MAOB: variants seen among roughly 807,000 people sequenced by gnomAD.
MAOB encodes the protein amine oxidase [flavin-containing] B.
MAOB carries 15 observed loss-of-function variants against 41.9 expected under a neutral mutation model. The observed-to-expected ratio is 0.36, with a 90% CI of 0.24 to 0.55. The LOEUF (loss-of-function observed/expected upper bound fraction) is 0.55. Among genes scored for constraint, MAOB ranks in the 20% least tolerant of loss-of-function variants. MAOB has a pLI of 0.86. For synonymous variants in MAOB, 167 were observed against 144.2 expected (o/e 1.16, Z -1.13); for missense variants, 345 against 398.7 (o/e 0.87, Z 1.15).
At chrX:43,809,962 G>GATTTACAGTAGCT (rs2034721893) in intron 3 of MAOB, among the ~76,000 whole-genome samples, 2 of 102,112 alleles carry the variant, frequency 2.0e-5, no homozygotes, top group Admixed American at 9.9e-5. Flanking sequence ...CTATTGGAAG[G>GATTTACAGTAGCT]GCCGGGCGCG....
chrX:43,860,136 C>T, intron 1 of MAOB, among the ~76,000 whole-genome samples: 1 of 111,795 alleles, frequency 8.9e-6, no homozygotes, highest in East Asian at 2.8e-4. Context: ...TTCTTAAATA[C>T]CTTTGCTGGA....
intron 1 of MAOB, among the ~76,000 whole-genome samples, chrX:43,846,969 A>G (rs2035209229): frequency 8.9e-6 from 1 of 112,709 alleles, no homozygotes; most frequent in Non-Finnish European, 1.9e-5. Flanking sequence ...GCCTTAAAAC[A>G]TTAGACAATG....
intron 3 of MAOB, among the ~76,000 whole-genome samples, chrX:43,836,703 G>T (rs2035076079): frequency 8.9e-6 from 1 of 111,876 alleles, no homozygotes; most frequent in Admixed American, 9.5e-5. Flanking sequence ...ATTATAAAGG[G>T]TTTGTTAATT....
chrX:43,815,603 G>T (rs2034802311), intron 3 of MAOB, among the ~76,000 whole-genome samples: 2 of 112,014 alleles, frequency 1.8e-5, no homozygotes, highest in South Asian at 7.4e-4. Flanking sequence ...AGTCTCTCCA[G>T]CAGAGTGCAT....
At chrX:43,790,460 CT>C (rs1296810895) in intron 8 of MAOB, among the ~76,000 whole-genome samples, 2 of 112,171 alleles carry the variant, frequency 1.8e-5, no homozygotes, top group African/African-American at 3.2e-5. Context: ...GGAAAAGTGC[CT>C]TTGAATTCTC....
chrX:43,874,479 C>G (rs1161391289), intron 1 of MAOB, among the ~76,000 whole-genome samples: 1 of 111,793 alleles, frequency 8.9e-6, no homozygotes, highest in East Asian at 2.8e-4. Context: ...GGTTATCAGG[C>G]ACACGACCAT....
At chrX:43,794,903 G>C (rs111499947) in intron 7 of MAOB, among the ~76,000 whole-genome samples, 2,252 of 108,472 alleles carry the variant, frequency 0.021, 80 homozygotes, top group African/African-American at 0.071. Context: ...CAAATGTTGA[G>C]TGAGAGAATG....
At chrX:43,769,242 C>T (rs1268094987) in intron 13 of MAOB, 65 bp downstream of exon 13, 1 of 1,092,526 alleles carries the variant, frequency 9.2e-7, no homozygotes, top group African/African-American at 1.9e-5. Flanking sequence ...TCTCAGATAT[C>T]TTTGACCTAC....
intron 3 of MAOB, among the ~76,000 whole-genome samples, chrX:43,806,350 T>C (rs1175378865): frequency 8.9e-6 from 1 of 112,041 alleles, no homozygotes; most frequent in Non-Finnish European, 1.9e-5. Flanking sequence ...CCTTCAAAGT[T>C]TGAAGAATAC....
At chrX:43,843,357 TCACACACACACACACACACA>T (rs61018201) in intron 2 of MAOB, among the ~76,000 whole-genome samples, 18 of 83,725 alleles carry the variant, frequency 2.1e-4, no homozygotes, top group South Asian at 6.9e-4. Flanking sequence ...TCTCTCTGTC[TCACACACACACACACACACA>T]CACACACACA....
chrX:43,857,890 T>C, intron 1 of MAOB, among the ~76,000 whole-genome samples: 1 of 112,043 alleles, frequency 8.9e-6, no homozygotes, highest in East Asian at 2.8e-4. Context: ...TTTGGAGAGC[T>C]GAATAAAAAC....
chrX:43,870,910 A>C (rs753439716), intron 1 of MAOB, among the ~76,000 whole-genome samples: 2 of 110,823 alleles, frequency 1.8e-5, no homozygotes, highest in African/African-American at 6.6e-5. Context: ...TGATTAGAAC[A>C]TCTTGTGACA....
chrX:43,879,797 CT>C (rs1276711445), intron 1 of MAOB, among the ~76,000 whole-genome samples: 1 of 112,169 alleles, frequency 8.9e-6, no homozygotes, highest in African/African-American at 3.2e-5. Context: ...ACTTTTCTAG[CT>C]TTCTCTCCCA....
chrX:43,836,698 A>G (rs1198714916), intron 3 of MAOB, among the ~76,000 whole-genome samples: 8 of 112,415 alleles, frequency 7.1e-5, no homozygotes, highest in South Asian at 3.6e-4. Flanking sequence ...ATAGTATTAT[A>G]AAGGGTTTGT....
intron 2 of MAOB, among the ~76,000 whole-genome samples, chrX:43,840,253 T>C (rs900092248): frequency 3.6e-5 from 4 of 111,241 alleles, no homozygotes; most frequent in Non-Finnish European, 7.5e-5. Context: ...GGTACCCTCT[T>C]ATGCCTCCTA....
intron 5 of MAOB, among the ~76,000 whole-genome samples, chrX:43,801,385 T>C (rs2034592783): frequency 9.0e-6 from 1 of 111,664 alleles, no homozygotes. Flanking sequence ...TGCCTAAAAA[T>C]GAAGACATTA....
At chrX:43,846,921 A>G (rs933186000) in intron 1 of MAOB, among the ~76,000 whole-genome samples, 1 of 112,408 alleles carries the variant, frequency 8.9e-6, no homozygotes, top group African/African-American at 3.2e-5. Context: ...GTGCAATACT[A>G]TTGCAAAAAA....
At chrX:43,831,786 A>G (rs1334894063) in intron 3 of MAOB, among the ~76,000 whole-genome samples, 1 of 111,551 alleles carries the variant, frequency 9.0e-6, no homozygotes, top group East Asian at 2.8e-4. Flanking sequence ...TCCTGAGGGA[A>G]CTAATTAATT....
intron 3 of MAOB, 41 bp downstream of exon 3, chrX:43,838,827 A>C: frequency 8.9e-7 from 1 of 1,129,023 alleles, no homozygotes. Context: ...GAAACATCAT[A>C]GAGAAGTTTT....
Sources: gnomAD v4.1 joint callset for allele counts (sites outside exome capture counted in the v4.1 genomes callset) on GRCh38, gnomAD v4.1.1 for gene constraint, MANE v1.5 for transcripts, NCBI Gene and HGNC (gene_info 2026-07-23, HGNC 2026-07-21) for gene names.